The following AP1S3 variants were observed in gnomAD, a reference collection of about 807,000 sequenced individuals.
AP1S3 encodes the protein AP-1 complex subunit sigma-3.
A neutral mutation model predicts 20.9 loss-of-function variants in AP1S3; 10 were observed. The ratio of observed to expected loss-of-function variants is 0.48; its 90% CI spans 0.29 to 0.81. The LOEUF (loss-of-function observed/expected upper bound fraction) is 0.81, where lower values mean the gene tolerates loss of function less well. AP1S3 is among the 30% of genes least tolerant of loss of function. The probability of loss-of-function intolerance (pLI) is 0.08; values close to 1 mark genes in which losing one functional copy is unlikely to be tolerated. For missense variants in AP1S3, 154 were observed against 183.8 expected (o/e 0.84, Z 0.94); for synonymous variants, 41 against 61.5 (o/e 0.67, Z 1.56).
chr2:223,834,807 A>G (rs1692358267), intron 1 of AP1S3, among the ~76,000 whole-genome samples: 1 of 152,164 alleles, frequency 6.6e-6, no homozygotes, highest in Non-Finnish European at 1.5e-5. Context: ...CACATTAAAC[A>G]TAAATAACAT....
chr2:223,828,290 T>C (rs1559148192), intron 1 of AP1S3, among the ~76,000 whole-genome samples: 1 of 134,418 alleles, frequency 7.4e-6, no homozygotes, highest in Non-Finnish European at 1.6e-5. Flanking sequence ...CATTCTCCTC[T>C]CTCTCTTTTT....
chr2:223,764,621 A>T (rs1396188186), intron 4 of AP1S3, among the ~76,000 whole-genome samples: 1 of 152,150 alleles, frequency 6.6e-6, no homozygotes, highest in East Asian at 1.9e-4. Flanking sequence ...TGCAAGCAGG[A>T]GCACACATAC....
intron 1 of AP1S3, among the ~76,000 whole-genome samples, chr2:223,798,917 C>CA (rs1691407113): frequency 2.0e-5 from 3 of 152,054 alleles, no homozygotes; most frequent in Admixed American, 2.0e-4. Context: ...ACTAAAAATA[C>CA]AAAAATTAGC....
chr2:223,823,894 G>A (rs1239357784), intron 1 of AP1S3, among the ~76,000 whole-genome samples: 1 of 152,158 alleles, frequency 6.6e-6, no homozygotes, highest in Non-Finnish European at 1.5e-5. Context: ...TTTAAAAACA[G>A]ATTTAAAAAA....
At position 223,757,032 on chromosome 2, in the gene AP1S3, C is replaced by T; in HGVS notation, c.*1683G>A. 1.0e-6 allele frequency: 1 copy of T among 978,152 alleles called. No individual in the cohort carries two copies. The highest frequency in any genetic ancestry group is 1.1e-4 in the East Asian group (1 of 8,766). 60.6% of individuals were successfully genotyped at this position (978,152 alleles called of 1,614,324 possible). A position where few individuals can be genotyped will look rare whatever the true frequency, so the allele number is the denominator to read the frequency against. On this transcript the variant is annotated 3_prime_UTR_variant, in exon 5 of 5. Transcript: ENST00000396654. Reference sequence around the variant, plus strand: ...TTGAGACGCAGTCTTGCTCTGTCACCCGCCTGGAGTGCACTGGTATGACCT... The same window carrying T: ...TTGAGACGCAGTCTTGCTCTGTCACTCGCCTGGAGTGCACTGGTATGACCT...
At chr2:223,827,779 T>C (rs561429738) in intron 1 of AP1S3, among the ~76,000 whole-genome samples, 1 of 151,576 alleles carries the variant, frequency 6.6e-6, no homozygotes, top group East Asian at 2.0e-4. Flanking sequence ...CTCTTAGAAA[T>C]AGCCCTGGCT....
At chr2:223,765,584 C>T (rs1250986608) in intron 3 of AP1S3, among the ~76,000 whole-genome samples, 1 of 152,176 alleles carries the variant, frequency 6.6e-6, no homozygotes, top group African/African-American at 2.4e-5. Context: ...TGTGTTACAA[C>T]AGGAAATTTG....
chr2:223,816,319 T>C (rs1178028626), intron 1 of AP1S3, among the ~76,000 whole-genome samples: 9 of 142,354 alleles, frequency 6.3e-5, no homozygotes, highest in Non-Finnish European at 1.5e-5. Context: ...AATTATTCCT[T>C]CCTTCCTCCC....
intron 1 of AP1S3, among the ~76,000 whole-genome samples, chr2:223,811,484 G>A (rs1238495748): frequency 2.7e-5 from 4 of 150,880 alleles, no homozygotes; most frequent in Non-Finnish European, 5.9e-5. Flanking sequence ...CAGGAGAATC[G>A]CTTGAACCCG....
chr2:223,783,609 G>A (rs544675416), intron 1 of AP1S3, among the ~76,000 whole-genome samples: 36 of 152,298 alleles, frequency 2.4e-4, no homozygotes, highest in Admixed American at 5.9e-4. Flanking sequence ...CGCCCTGGCC[G>A]GTGTCCGCAT....
At chr2:223,811,300 G>A (rs1234997543) in intron 1 of AP1S3, among the ~76,000 whole-genome samples, 6 of 152,056 alleles carry the variant, frequency 3.9e-5, no homozygotes, top group South Asian at 2.1e-4. Flanking sequence ...AGGCACGGTG[G>A]CTCATGCCTG....
intron 1 of AP1S3, among the ~76,000 whole-genome samples, chr2:223,813,033 A>G (rs766309206): frequency 1.5e-4 from 23 of 152,010 alleles, no homozygotes; most frequent in Non-Finnish European, 5.9e-5. Flanking sequence ...GACTCCAGTG[A>G]TTCTCCTGCC....
Position 223,798,679 on chromosome 2 carries a change from G to T in AP1S3, c.4-20810C>A, listed in dbSNP as rs187281082. ...GGATAGACAGGTAGTTACACTGAAA[G>T]GACAGAATAATCCACTTGCTATGAA... is the stretch of plus-strand genomic sequence containing the variant. On this transcript the variant is annotated intron_variant, in intron 1 of 4. Coordinates refer to ENST00000396654, the MANE Select transcript of AP1S3 (RefSeq NM_001039569.2). Among the ~76,000 whole-genome samples the T allele has an allele frequency of 1.6e-3, 242 of 152,290 alleles. 1 individual carries two copies. The highest frequency in any genetic ancestry group is 2.8e-3 in the Non-Finnish European group (191 of 68,026).
At chr2:223,779,211 T>C (rs1022537421) in intron 1 of AP1S3, among the ~76,000 whole-genome samples, 8 of 152,222 alleles carry the variant, frequency 5.3e-5, no homozygotes, top group Non-Finnish European at 1.2e-4. Flanking sequence ...AAGATTTAAA[T>C]AAGCAGAAGA....
chr2:223,775,732 G>C (rs1366417120), intron 3 of AP1S3, among the ~76,000 whole-genome samples, 169 bp downstream of exon 3: 3 of 152,162 alleles, frequency 2.0e-5, no homozygotes, highest in Non-Finnish European at 2.9e-5. Flanking sequence ...ATTATAGGTA[G>C]GGAGAAAAAT....
At chr2:223,762,077 A>G (rs1690368129) in intron 4 of AP1S3, among the ~76,000 whole-genome samples, 1 of 150,198 alleles carries the variant, frequency 6.7e-6, no homozygotes, top group African/African-American at 2.5e-5. Context: ...GGTTCAAGCG[A>G]TTCTCCTGCC....
chr2:223,766,532 G>A (rs1277510136), intron 3 of AP1S3, among the ~76,000 whole-genome samples: 3 of 152,156 alleles, frequency 2.0e-5, no homozygotes, highest in Non-Finnish European at 2.9e-5. Flanking sequence ...TTAGAATGGC[G>A]ATCATTAAAA....
chr2:223,798,980 G>A (rs1691408535), intron 1 of AP1S3, among the ~76,000 whole-genome samples: 1 of 152,182 alleles, frequency 6.6e-6, no homozygotes, highest in African/African-American at 2.4e-5. Context: ...GCTGAGACAG[G>A]AGAATCACTT....
At chr2:223,775,832 G>T in intron 3 of AP1S3, 69 bp downstream of exon 3, 1 of 1,176,244 alleles carries the variant, frequency 8.5e-7, no homozygotes, top group Non-Finnish European at 1.3e-6. Flanking sequence ...GATGTGACCA[G>T]AGACAGAACT....
Sources: gnomAD v4.1 joint callset for allele counts (sites outside exome capture counted in the v4.1 genomes callset) on GRCh38, gnomAD v4.1.1 for gene constraint, MANE v1.5 for transcripts, NCBI Gene and HGNC (gene_info 2026-07-23, HGNC 2026-07-21) for gene names.